The following RAF1 variants were observed in gnomAD, a reference collection of about 807,000 sequenced individuals.
RAF1 encodes the protein Raf-1 proto-oncogene, serine/threonine kinase.
Under a neutral mutation model 81.1 loss-of-function variants are expected in RAF1, and 27 were observed. The observed-to-expected ratio is 0.33, with a 90% CI of 0.25 to 0.46. The LOEUF is 0.46. Ranked by LOEUF, RAF1 falls within the 20% of genes least tolerant of loss-of-function variation. The pLI is 1.00. For synonymous variants in RAF1, 298 were observed against 294.0 expected, an observed-to-expected ratio of 1.01 and a Z score of -0.14; for missense variants, 598 against 826.0, an observed-to-expected ratio of 0.72 and a Z score of 3.38.
chr3:12,588,593 A>G (rs1193987529), intron 13 of RAF1: 1 of 152,258 alleles, frequency 6.6e-6, no homozygotes, highest in African/African-American at 2.4e-5. Context: ...AAAATACAGT[A>G]TTATAATCTT....
At position 12,641,497 on chromosome 3, in the gene RAF1, T is replaced by G. The variant is rs868781204; in HGVS notation, c.-27+22316A>C. Among the ~76,000 whole-genome samples, 123 of 148,896 alleles carry G rather than the reference T, an allele frequency of 8.3e-4. 2 individuals carry two copies. The highest frequency in any genetic ancestry group is 2.6e-3 in the African/African-American group (102 of 39,408). Reference sequence around the variant, plus strand: ...AAAAAAAAATGTTTTTTGGTTTTTTTTTTTTTTTTTTTGAAACAGGGTCTC... The same window carrying G: ...AAAAAAAAATGTTTTTTGGTTTTTTGTTTTTTTTTTTTGAAACAGGGTCTC... On this transcript the variant is annotated intron_variant, in intron 1 of 17. Coordinates refer to ENST00000442415, the MANE Select transcript of RAF1 (RefSeq NM_001354689.3).
intron 11 of RAF1, among the ~76,000 whole-genome samples, chr3:12,595,245 A>T (rs2058650668): frequency 6.6e-6 from 1 of 152,032 alleles, no homozygotes; most frequent in Non-Finnish European, 1.5e-5. Context: ...CCTAATTTTT[A>T]AAATTTTTTG....
chr3:12,599,578 G>T, intron 11 of RAF1, 113 bp downstream of exon 10: 1 of 784,364 alleles, frequency 1.3e-6, no homozygotes, highest in Non-Finnish European at 2.3e-6. Flanking sequence ...GTAAGGGAGA[G>T]TACTGCTATA....
chr3:12,596,920 A>G (rs2058704497), intron 11 of RAF1, among the ~76,000 whole-genome samples: 1 of 148,822 alleles, frequency 6.7e-6, no homozygotes, highest in Non-Finnish European at 1.5e-5. Flanking sequence ...TTTTTTTGAG[A>G]CGGAGTCTCG....
chr3:12,589,316 T>C (rs1346975507), intron 13 of RAF1: 4 of 152,238 alleles, frequency 2.6e-5, no homozygotes, highest in Non-Finnish European at 2.9e-5. Flanking sequence ...GGGAATTTTA[T>C]GATGTATGAA....
intron 2 of RAF1, among the ~76,000 whole-genome samples, chr3:12,615,113 G>C (rs2059333513): frequency 6.6e-6 from 1 of 152,150 alleles, no homozygotes; most frequent in African/African-American, 2.4e-5. Context: ...CAAGGATTCT[G>C]ATTCAGTTAG....
intron 6 of RAF1, among the ~76,000 whole-genome samples, chr3:12,605,989 T>G (rs1559428655): frequency 6.6e-6 from 1 of 152,150 alleles, no homozygotes; most frequent in Non-Finnish European, 1.5e-5. Context: ...GAAGCTACAG[T>G]CAAAGTCACT....
chr3:12,609,303 GCAT>G lies in RAF1; in HGVS notation c.350_352del (p.Asp117del). 1 of 1,613,402 alleles carries G rather than the reference GCAT, an allele frequency of 6.2e-7. No individual in the cohort carries two copies. The highest frequency in any genetic ancestry group is 8.5e-7 in the Non-Finnish European group (1 of 1,179,488). ...AAGTTCTTCTCCAATCAAAGACGCA[GCAT>G]CAGTATTCCAATCTAAGCGTGCTTT... On this transcript the variant is annotated inframe_deletion, in exon 4 of 18. Coordinates refer to ENST00000442415, the MANE Select transcript of RAF1 (RefSeq NM_001354689.3).
chr3:12,615,181 G>A (rs2059336215), intron 2 of RAF1, among the ~76,000 whole-genome samples: 1 of 152,172 alleles, frequency 6.6e-6, no homozygotes, highest in African/African-American at 2.4e-5. Context: ...CTGGTCAGCT[G>A]ACTCTAATAG....
intron 9 of RAF1, 52 bp downstream of exon 8, chr3:12,600,336 G>C (rs1481781621): frequency 6.2e-7 from 1 of 1,613,906 alleles, no homozygotes; most frequent in South Asian, 1.1e-5. Flanking sequence ...AAGATACACC[G>C]CATAAAGAAA....
Position 12,663,660 on chromosome 3 carries a change from AC to A in RAF1, c.-27+152del, listed in dbSNP as rs5746153. Among the ~76,000 whole-genome samples the A allele has an allele frequency of 0.84, 128,195 of 151,824 alleles. 54,582 individuals carry two copies. Among genetic ancestry groups the A allele is most frequent in the African/African-American group, 0.95 (39,554 of 41,470 alleles). On this transcript the variant is annotated intron_variant, in intron 1 of 17. Coordinates refer to ENST00000442415, the MANE Select transcript of RAF1 (RefSeq NM_001354689.3). ...GACTCCGGGGCCCCCGCCCAACGCT[AC>A]CCCAGGGTGACAACGGCCTGGCCCA...
chr3:12,588,306 A>G (rs2058394423), intron 13 of RAF1: 1 of 152,192 alleles, frequency 6.6e-6, no homozygotes, highest in African/African-American at 2.4e-5. Flanking sequence ...ACACAATACC[A>G]TATCTTATGT....
intron 2 of RAF1, among the ~76,000 whole-genome samples, chr3:12,615,419 G>A (rs538506112): frequency 6.6e-6 from 1 of 152,292 alleles, no homozygotes; most frequent in East Asian, 1.9e-4. Context: ...GATACATGCT[G>A]AAATCAGTTA....
At chr3:12,648,608 A>T (rs1277539425) in intron 1 of RAF1, among the ~76,000 whole-genome samples, 1 of 152,106 alleles carries the variant, frequency 6.6e-6, no homozygotes, top group Non-Finnish European at 1.5e-5. Flanking sequence ...TATTAGCCGG[A>T]TGTGGTGGTG....
rs769429487 is a variant in RAF1 at position 12,618,621 on chromosome 3, T to C, written c.101A>G (p.Gln34Arg). 6.2e-7 allele frequency: 1 copy of C among 1,614,238 alleles called. No homozygotes were observed. The highest frequency in any genetic ancestry group is 8.5e-7 in the Non-Finnish European group (1 of 1,180,046). The stretch of plus-strand genomic sequence containing the variant: ...TGCCCGGCGCTGATAGCCAAACTGC[T>C]GAACTATTGTAGGAGAGATGCAGCT... The change falls in exon 2 of 18, where the codon CAG becomes CGG. Residue 34 changes from glutamine to arginine, a missense_variant. By Grantham distance (43) the Gln-to-Arg change is conservative. Around this residue, in one of 5 missense-constraint regions of RAF1, gnomAD observed 83 missense variants for 72.3 expected, o/e 1.15. Coordinates refer to ENST00000442415, the MANE Select transcript of RAF1 (RefSeq NM_001354689.3).
chr3:12,656,238 C>T (rs75391527), intron 1 of RAF1, among the ~76,000 whole-genome samples: 394 of 151,566 alleles, frequency 2.6e-3, no homozygotes, highest in Admixed American at 4.0e-3. Context: ...TCATTTATCC[C>T]CCCATTCTCT....
intron 1 of RAF1, among the ~76,000 whole-genome samples, chr3:12,627,908 T>C (rs1357868005): frequency 6.6e-6 from 1 of 152,200 alleles, no homozygotes; most frequent in African/African-American, 2.4e-5. Context: ...TAACCTGAGG[T>C]CAGGAGGTTG....
At chr3:12,614,028 C>T (rs1487599418) in intron 2 of RAF1, among the ~76,000 whole-genome samples, 1 of 152,098 alleles carries the variant, frequency 6.6e-6, no homozygotes, top group Non-Finnish European at 1.5e-5. Context: ...TCCTTAGCTA[C>T]CGATGGTTTT....
At chr3:12,645,487 C>A (rs193205074) in intron 1 of RAF1, among the ~76,000 whole-genome samples, 218 of 152,180 alleles carry the variant, frequency 1.4e-3, no homozygotes, top group African/African-American at 4.0e-3. Context: ...CATTATAATA[C>A]ACTGATTTGA....
Sources: gnomAD v4.1 joint callset for allele counts (sites outside exome capture counted in the v4.1 genomes callset) on GRCh38, gnomAD v4.1.1 for gene constraint, gnomAD v4.1.1 regional missense constraint, MANE v1.5 for transcripts, NCBI Gene and HGNC (gene_info 2026-07-23, HGNC 2026-07-21) for gene names.